Variants in FLT1 observed in about 807,000 individuals in gnomAD.
The protein encoded by FLT1 is vascular endothelial growth factor receptor 1.
Under a neutral mutation model 156.3 loss-of-function variants are expected in FLT1, and 49 were observed. The ratio of observed to expected loss-of-function variants is 0.31; its 90% CI spans 0.25 to 0.40. FLT1 has a LOEUF of 0.40. Ranked by LOEUF, FLT1 falls within the 10% of genes least tolerant of loss-of-function variation. FLT1 has a pLI of 1.00. For missense variants in FLT1, 1,322 were observed against 1,637.2 expected (o/e 0.81, Z 3.32); for synonymous variants, 594 against 583.8 (o/e 1.02, Z -0.25).
intron 13 of FLT1, chr13:28,386,437 C>T: frequency 9.6e-7 from 1 of 1,042,048 alleles, no homozygotes. Context: ...TTAGTCTTCT[C>T]ATTTTATAAA....
intron 27 of FLT1, among the ~76,000 whole-genome samples, chr13:28,309,662 C>G (rs189604100): frequency 2.7e-5 from 4 of 147,498 alleles, no homozygotes; most frequent in Admixed American, 2.0e-4. Context: ...ATGCCACCCA[C>G]CCCCCCTCCC....
At chr13:28,471,603 A>G (rs1880187045) in intron 1 of FLT1, among the ~76,000 whole-genome samples, 1 of 152,200 alleles carries the variant, frequency 6.6e-6, no homozygotes, top group Non-Finnish European at 1.5e-5. Context: ...TGGGGAAGTC[A>G]GCTTGATCGT....
chr13:28,363,639 G>A (rs1873187067), intron 14 of FLT1, among the ~76,000 whole-genome samples: 1 of 150,306 alleles, frequency 6.7e-6, no homozygotes, highest in Non-Finnish European at 1.5e-5. Flanking sequence ...TTTTTGAGAC[G>A]GAGTGTTGCT....
chr13:28,321,501 C>G lies in FLT1; in HGVS notation c.3136G>C (p.Asp1046His). 3.1e-6 allele frequency: 5 copies of G among 1,614,158 alleles called. No homozygotes were observed. The highest frequency in any genetic ancestry group is 1.1e-5 in the South Asian group (1 of 91,086). ...ACATAATCGGGGTTCTTATAAATAT[C>G]CCGGGCAAGGCCAAAATCACAAATC... ...VKICDFGLAR[D>H]IYKNPDYVRK... Residue 1046 changes from aspartate to histidine, a missense_variant, in exon 23 of 30, where the codon GAT (aspartate) becomes CAT (histidine). This residue lies in a region of FLT1 where 329 missense variants were observed against 366.2 expected (regional missense o/e 0.90). Coordinates refer to ENST00000282397, the MANE Select transcript of FLT1 (RefSeq NM_002019.4).
chr13:28,457,800 A>G (rs762904163), intron 3 of FLT1, among the ~76,000 whole-genome samples: 4 of 152,182 alleles, frequency 2.6e-5, no homozygotes, highest in Non-Finnish European at 4.4e-5. Context: ...AAAATCCTTA[A>G]AACCATAAAG....
intron 19 of FLT1, 49 bp downstream of exon 19, chr13:28,329,566 C>G: frequency 1.5e-6 from 2 of 1,349,208 alleles, no homozygotes; most frequent in Non-Finnish European, 2.1e-6. Flanking sequence ...GAACTGTTCT[C>G]CCAGCCTGTG....
Position 28,427,927 on chromosome 13 carries a change from G to A in FLT1, c.1107-6C>T, listed in dbSNP as rs780835790. 2 of 1,612,968 alleles carry A rather than the reference G, an allele frequency of 1.2e-6. No individual in the cohort carries two copies. The highest frequency in any genetic ancestry group is 1.3e-5 in the African/African-American group (1 of 75,000). Reference sequence around the variant, plus strand: ...CAGGTAACCCATCTTTTAACCTGTGGTTAAAAACATGATCAGTAAGTCATT... The same window carrying A: ...CAGGTAACCCATCTTTTAACCTGTGATTAAAAACATGATCAGTAAGTCATT... On this transcript the variant is annotated splice_polypyrimidine_tract_variant and splice_region_variant and intron_variant, in intron 8 of 29. Transcript: ENST00000282397.
At chr13:28,404,291 C>T (rs1413153715) in intron 11 of FLT1, among the ~76,000 whole-genome samples, 1 of 152,138 alleles carries the variant, frequency 6.6e-6, no homozygotes, top group Non-Finnish European at 1.5e-5. Context: ...TATTGCCACT[C>T]TGACTAATTT....
intron 14 of FLT1, among the ~76,000 whole-genome samples, chr13:28,359,913 C>A (rs1349980850): frequency 6.6e-6 from 1 of 152,148 alleles, no homozygotes; most frequent in Non-Finnish European, 1.5e-5. Flanking sequence ...GAGTTCAAGA[C>A]CAGCCTCGCC....
intron 4 of FLT1, among the ~76,000 whole-genome samples, chr13:28,436,190 G>A (rs926711131): frequency 2.6e-5 from 4 of 152,160 alleles, no homozygotes; most frequent in South Asian, 2.1e-4. Flanking sequence ...GGCCACCACC[G>A]CATGTGTAAG....
intron 9 of FLT1, 123 bp from the exon 10 acceptor site, chr13:28,427,441 A>T: frequency 4.3e-6 from 4 of 922,532 alleles, no homozygotes; most frequent in Non-Finnish European, 7.0e-6. Flanking sequence ...AAGAAACAAA[A>T]AAACAAATAA....
chr13:28,330,486 C>T (rs1189343106), intron 18 of FLT1, among the ~76,000 whole-genome samples: 1 of 151,042 alleles, frequency 6.6e-6, no homozygotes, highest in African/African-American at 2.4e-5. Context: ...AGATAAAAAG[C>T]AAAAGCCACT....
At chr13:28,430,025 G>A (rs1877581265) in intron 8 of FLT1, 25 bp downstream of exon 8, 3 of 1,423,084 alleles carry the variant, frequency 2.1e-6, no homozygotes, top group Non-Finnish European at 3.0e-6. Context: ...GTCTTAAACT[G>A]TTATGGAAAT....
chr13:28,443,020 G>A (rs554495459), intron 3 of FLT1, among the ~76,000 whole-genome samples: 57 of 152,302 alleles, frequency 3.7e-4, no homozygotes, highest in African/African-American at 1.3e-3. Context: ...GTTGTTGAAA[G>A]AGTGAGGAAG....
chr13:28,487,422 A>G (rs1881225908), intron 1 of FLT1, among the ~76,000 whole-genome samples: 1 of 152,202 alleles, frequency 6.6e-6, no homozygotes, highest in Non-Finnish European at 1.5e-5. Flanking sequence ...AAAGAATCTG[A>G]TAATTGTTGT....
intron 15 of FLT1, among the ~76,000 whole-genome samples, chr13:28,347,114 T>C (rs553340682): frequency 1.3e-5 from 2 of 152,332 alleles, no homozygotes; most frequent in South Asian, 4.1e-4. Context: ...TATATACTAC[T>C]ATCTAATAGT....
chr13:28,412,150 C>T (rs1422067996), intron 10 of FLT1, among the ~76,000 whole-genome samples: 1 of 152,154 alleles, frequency 6.6e-6, no homozygotes, highest in Non-Finnish European at 1.5e-5. Context: ...CCGGGGCTGG[C>T]CCCCATTATG....
In FLT1 at chr13:28,439,739, G is replaced by A. The variant is rs372583968; in HGVS notation, c.389-1394C>T. ...GAGGCAGAGACAGGTGTGATGCAGC[G>A]GCAAGCCAAAGAATGCCAAGGATTG... On this transcript the variant is annotated intron_variant, in intron 3 of 29. Coordinates refer to ENST00000282397, the MANE Select transcript of FLT1 (RefSeq NM_002019.4). The surrounding 1 kb of genome is among the most constrained non-coding windows in gnomAD (Gnocchi z 4.1). 1.1e-4 allele frequency among the ~76,000 whole-genome samples: 16 copies of A among 152,182 alleles called. No homozygotes were observed. Among genetic ancestry groups the A allele is most frequent in the African/African-American group, 2.9e-4 (12 of 41,442 alleles).
At chr13:28,375,310 T>C (rs117216726) in intron 14 of FLT1, among the ~76,000 whole-genome samples, 5,558 of 152,318 alleles carry the variant, frequency 0.036, 291 homozygotes, top group Admixed American at 0.15. Flanking sequence ...CCACTGTACT[T>C]TTCAATCTCA....
Sources: allele counts gnomAD v4.1 joint callset (sites outside exome capture counted in the v4.1 genomes callset), GRCh38; gene constraint gnomAD v4.1.1; regional missense constraint gnomAD v4.1.1; non-coding constraint Gnocchi (gnomAD v3.1); transcripts MANE v1.5; gene names NCBI Gene and HGNC (gene_info 2026-07-23, HGNC 2026-07-21).